SHF: variants seen among roughly 807,000 people sequenced by gnomAD.
SHF encodes the protein SH2 domain-containing adapter protein F.
SHF carries 30 observed loss-of-function variants against 42.4 expected under a neutral mutation model. The observed-to-expected ratio is 0.71, with a 90% CI of 0.53 to 0.96. The LOEUF (loss-of-function observed/expected upper bound fraction) is 0.96, where lower values mean the gene tolerates loss of function less well. SHF is among the 40% of genes least tolerant of loss of function. The pLI is 0.00. For synonymous variants in SHF, 264 were observed against 269.9 expected, an observed-to-expected ratio of 0.98 and a Z score of 0.21; for missense variants, 598 against 634.0, an observed-to-expected ratio of 0.94 and a Z score of 0.61.
rs1392396781 is a variant in SHF, at chr15:45,167,419, TCCCCTTCTCTCCCCA to T, written c.*513_*527del. ...GCACAGTTCCCTCTGCCCGAGCCCC[TCCCCTTCTCTCCCCA>T]CCCCCCAAAGCCGGCTGCTTCCCAG... is the stretch of plus-strand genomic sequence containing the variant. On this transcript the variant is annotated 3_prime_UTR_variant, in exon 7 of 7. Coordinates refer to ENST00000690270, the MANE Select transcript of SHF (RefSeq NM_001394037.1). The T allele has an allele frequency of 6.6e-6, 1 of 152,242 alleles. No individual in the cohort carries two copies. Among genetic ancestry groups the T allele is most frequent in the Non-Finnish European group, 1.5e-5 (1 of 68,256 alleles). 9.4% of individuals were successfully genotyped at this position (152,242 alleles called of 1,614,324 possible).
At chr15:45,194,353 T>C (rs1898801773) in intron 2 of SHF, among the ~76,000 whole-genome samples, 1 of 151,764 alleles carries the variant, frequency 6.6e-6, no homozygotes, top group South Asian at 2.1e-4. Context: ...CCTTCTTCTG[T>C]TTTGTTTTGT....
At chr15:45,180,144 T>C (rs1037804628) in intron 1 of SHF, among the ~76,000 whole-genome samples, 1 of 152,190 alleles carries the variant, frequency 6.6e-6, no homozygotes, top group African/African-American at 2.4e-5. Context: ...ACTATTCATA[T>C]CTGGAGCTCT....
At chr15:45,168,215 C>A in intron 6 of SHF, 82 bp from the exon 7 acceptor site, 2 of 1,354,648 alleles carry the variant, frequency 1.5e-6, no homozygotes. Flanking sequence ...CTCCCCAACC[C>A]TACAGCAAAT....
Position 45,187,769 on chromosome 15 carries a change from G to GCC in SHF, c.181_182dup (p.Gly62AlafsTer107). 16 of 874,252 alleles carry GCC rather than the reference G, an allele frequency of 1.8e-5. No homozygotes were observed. Among genetic ancestry groups the GCC allele is most frequent in the Admixed American group, 4.6e-5 (1 of 21,690 alleles). The allele number at this position is 874,252 out of a possible 1,614,324, so 54.2% of individuals were successfully genotyped here. A position where few individuals can be genotyped will look rare whatever the true frequency, so the allele number is the denominator to read the frequency against. ...CCGGCTTGCTGCCCCCTCCGCCGCCGCCCCCCCCGCGGAAGCCCAGGTGCT... is the reference window on the plus strand; with the variant it reads ...CCGGCTTGCTGCCCCCTCCGCCGCCGCCCCCCCCCCGCGGAAGCCCAGGTGCT... On this transcript the variant is annotated frameshift_variant, in exon 1 of 7. Coordinates refer to ENST00000690270, the MANE Select transcript of SHF (RefSeq NM_001394037.1). LOFTEE classifies it high-confidence loss of function.
intron 1 of SHF, among the ~76,000 whole-genome samples, chr15:45,186,858 GAAC>G (rs1185211994): frequency 2.0e-5 from 3 of 152,386 alleles, no homozygotes; most frequent in South Asian, 2.1e-4. Flanking sequence ...CGCCTCCTGA[GAAC>G]AACAGCCTAT....
At chr15:45,168,244 G>T in intron 6 of SHF, 111 bp from the exon 7 acceptor site, 2 of 1,083,554 alleles carry the variant, frequency 1.8e-6, no homozygotes, top group Non-Finnish European at 2.6e-6. Context: ...TCCGAAGCCA[G>T]CTGAGAATGA....
chr15:45,188,988 C>G (rs1898617291), upstream of SHF, among the ~76,000 whole-genome samples: 1 of 151,980 alleles, frequency 6.6e-6, no homozygotes, highest in Non-Finnish European at 1.5e-5. Context: ...GTCAGGAGAT[C>G]GAGACCATCC....
intron 2 of SHF, 23 bp from the exon 3 acceptor site, chr15:45,175,448 G>A: frequency 1.3e-6 from 2 of 1,557,666 alleles, no homozygotes; most frequent in Non-Finnish European, 8.7e-7. Flanking sequence ...GGCAGGAAGG[G>A]AAAGGTGAGG....
chr15:45,184,321 C>T (rs1611896), intron 1 of SHF, among the ~76,000 whole-genome samples: 138,727 of 152,230 alleles, frequency 0.91, 64,217 homozygotes, highest in Non-Finnish European at 1. Flanking sequence ...GCCTGGAGGA[C>T]CCAAGTCCTG....
chr15:45,178,422 C>T, intron 1 of SHF, 116 bp from the exon 2 acceptor site: 1 of 1,220,436 alleles, frequency 8.2e-7, no homozygotes, highest in Non-Finnish European at 1.1e-6. Flanking sequence ...TCGACCCAGA[C>T]CCCCAGGTAC....
At chr15:45,185,680 G>A (rs1209160688) in intron 1 of SHF, among the ~76,000 whole-genome samples, 1 of 152,166 alleles carries the variant, frequency 6.6e-6, no homozygotes, top group Non-Finnish European at 1.5e-5. Flanking sequence ...AGATCACAGA[G>A]CTGACCCAAG....
Position 45,167,993 on chromosome 15 carries a change from G to T in SHF, c.1421C>A (p.Ala474Asp). 6.2e-7 allele frequency: 1 copy of T among 1,613,096 alleles called. No homozygotes were observed. The highest frequency in any genetic ancestry group is 8.5e-7 in the Non-Finnish European group (1 of 1,179,420). The change falls in exon 7 of 7, where the codon GCC becomes GAC. Residue 474 changes from alanine to aspartate, a missense_variant. Physicochemically the swap from Ala to Asp is moderately radical, Grantham distance 126. This residue lies in a region of SHF where 439 missense variants were observed against 524.6 expected (regional missense o/e 0.84). Coordinates refer to ENST00000690270, the MANE Select transcript of SHF (RefSeq NM_001394037.1). The stretch of plus-strand genomic sequence containing the variant: ...AGGGTAGAGCAGGGACATGTGTTCG[G>T]CTCCCTTAATGGGTAGCTTGCGGCT... The part of the protein sequence containing the change: ...YASRKLPIKG[A>D]EHMSLLYPVA...
chr15:45,191,598 A>G (rs1898709584), upstream of SHF, among the ~76,000 whole-genome samples: 5 of 152,250 alleles, frequency 3.3e-5, no homozygotes, highest in Admixed American at 3.3e-4. Context: ...CATCGGTTTA[A>G]CAAACGTTGA....
At chr15:45,175,483 C>A in intron 2 of SHF, 58 bp from the exon 3 acceptor site, 1 of 1,521,686 alleles carries the variant, frequency 6.6e-7, no homozygotes, top group African/African-American at 1.4e-5. Flanking sequence ...TTCTGGCTCC[C>A]CTCCTCCAAT....
chr15:45,200,161 GTACGTATGTC>G (rs1899026753), intron 1 of SHF, among the ~76,000 whole-genome samples: 1 of 151,990 alleles, frequency 6.6e-6, no homozygotes, highest in Admixed American at 6.6e-5. Context: ...GTGGAAATTT[GTACGTATGTC>G]TACTACAACA....
At position 45,196,970 on chromosome 15, in the gene SHF, A is replaced by G. The variant is rs543386290; in HGVS notation, c.303+1802T>C. Among the ~76,000 whole-genome samples, 191 of 152,184 alleles carry G rather than the reference A, an allele frequency of 1.3e-3. 1 individual carries two copies. The highest frequency in any genetic ancestry group is 4.4e-3 in the African/African-American group (182 of 41,526). ...CCCTATTAAGGATAGTAAAAGGGAA[A>G]AAAAGAAAGAAAGAAAGACCTAAAA... On this transcript the variant is annotated intron_variant, in intron 2 of 7. Transcript: ENST00000290894.
chr15:45,191,463 C>T (rs1486228818), upstream of SHF, among the ~76,000 whole-genome samples: 2 of 152,196 alleles, frequency 1.3e-5, no homozygotes, highest in Non-Finnish European at 2.9e-5. Context: ...GCTGGGATTA[C>T]AGGTGTGAGC....
intron 1 of SHF, among the ~76,000 whole-genome samples, chr15:45,185,025 C>T (rs1036270185): frequency 6.6e-6 from 1 of 152,254 alleles, no homozygotes; most frequent in South Asian, 2.1e-4. Flanking sequence ...TGGTTCTCTC[C>T]TGCCCCCATA....
intron 2 of SHF, among the ~76,000 whole-genome samples, chr15:45,177,124 G>C (rs909328697): frequency 3.9e-5 from 6 of 152,216 alleles, no homozygotes; most frequent in African/African-American, 2.4e-5. Context: ...TATTGTATTG[G>C]TCAGTGAATG....
Sources: gnomAD v4.1 joint callset for allele counts (sites outside exome capture counted in the v4.1 genomes callset) on GRCh38, gnomAD v4.1.1 for gene constraint, gnomAD v4.1.1 regional missense constraint, MANE v1.5 for transcripts, NCBI Gene and HGNC (gene_info 2026-07-23, HGNC 2026-07-21) for gene names.